Variants in NEDD4L observed in about 807,000 individuals in gnomAD.
The protein encoded by NEDD4L is E3 ubiquitin-protein ligase NEDD4-like.
Under a neutral mutation model 148.9 loss-of-function variants are expected in NEDD4L, and 54 were observed. That is an observed-to-expected ratio of 0.36 (90% CI 0.29 to 0.45). The LOEUF (loss-of-function observed/expected upper bound fraction) is 0.45, where lower values mean the gene tolerates loss of function less well. Ranked by LOEUF, NEDD4L falls within the 20% of genes least tolerant of loss-of-function variation. The pLI, the probability that NEDD4L is intolerant of heterozygous loss-of-function variation, is 1.00. For missense variants in NEDD4L, 856 were observed against 1,233.8 expected (o/e 0.69, Z 4.59); for synonymous variants, 433 against 440.7 (o/e 0.98, Z 0.22).
intron 21 of NEDD4L, chr18:58,367,358 G>GGAAGGAATTAAACTTCCTTCATCA (rs2046247986): frequency 5.8e-6 from 1 of 172,900 alleles, no homozygotes; most frequent in South Asian, 1.5e-4. Flanking sequence ...AAAAGCCTCT[G>GGAAGGAATTAAACTTCCTTCATCA]GAAGGAATTA....
intron 2 of NEDD4L, among the ~76,000 whole-genome samples, chr18:58,180,410 C>T (rs766217168): frequency 2.6e-5 from 4 of 152,032 alleles, no homozygotes; most frequent in Non-Finnish European, 4.4e-5. Context: ...AGGCCTTCAG[C>T]GCCGCAAGGG....
chr18:58,112,997 G>T (rs1335616355), intron 1 of NEDD4L, among the ~76,000 whole-genome samples: 1 of 152,160 alleles, frequency 6.6e-6, no homozygotes, highest in Non-Finnish European at 1.5e-5. Context: ...ACCATGTGAG[G>T]ATACAGCAAA....
At chr18:58,071,921 C>T (rs1351478894) in intron 1 of NEDD4L, among the ~76,000 whole-genome samples, 2 of 152,162 alleles carry the variant, frequency 1.3e-5, no homozygotes, top group South Asian at 4.1e-4. Context: ...CAGTTATCTC[C>T]ACCTTATCCT....
intron 2 of NEDD4L, among the ~76,000 whole-genome samples, chr18:58,206,024 C>A (rs2041948863): frequency 6.6e-6 from 1 of 152,162 alleles, no homozygotes; most frequent in Non-Finnish European, 1.5e-5. Context: ...CCTTTAATTT[C>A]TCTTAATTGC....
rs2050769174 is a variant in NEDD4L at position 58,400,282 on chromosome 18, TGTC to T, written c.*4014_*4016del. 1 of 152,248 alleles carries T rather than the reference TGTC, an allele frequency of 6.6e-6. No homozygotes were observed. The highest frequency in any genetic ancestry group is 1.5e-5 in the Non-Finnish European group (1 of 68,050). The allele number at this position is 152,248 out of a possible 1,614,324, so 9.4% of individuals were successfully genotyped here. A position where few individuals can be genotyped will look rare whatever the true frequency, so the allele number is the denominator to read the frequency against. ...CATTGGGGTACATCCTGATAAGTCG[TGTC>T]AGAACTGCCAATTTCAGGACTGAGA... On this transcript the variant is annotated 3_prime_UTR_variant, in exon 31 of 31. Transcript: ENST00000400345.
chr18:58,057,165 C>T (rs2082123779), intron 1 of NEDD4L, among the ~76,000 whole-genome samples: 1 of 152,050 alleles, frequency 6.6e-6, no homozygotes, highest in Non-Finnish European at 1.5e-5. Context: ...TCGTGAAATG[C>T]ACATGCTCCC....
intron 2 of NEDD4L, among the ~76,000 whole-genome samples, chr18:58,233,293 A>G (rs571044798): frequency 6.6e-6 from 1 of 152,310 alleles, no homozygotes; most frequent in South Asian, 2.1e-4. Flanking sequence ...GTAAAGACAT[A>G]CCCAAGACTG....
At chr18:58,246,551 GC>G (rs1259026117) in intron 3 of NEDD4L, among the ~76,000 whole-genome samples, 4 of 152,090 alleles carry the variant, frequency 2.6e-5, no homozygotes, top group African/African-American at 9.7e-5. Context: ...CGCAACCTTT[GC>G]CTCCTGGGTT....
At chr18:58,126,849 C>T (rs2031197137) in intron 1 of NEDD4L, among the ~76,000 whole-genome samples, 1 of 152,210 alleles carries the variant, frequency 6.6e-6, no homozygotes, top group African/African-American at 2.4e-5. Flanking sequence ...ATTGCACCCC[C>T]CAGGAATGTC....
chr18:58,087,164 G>A (rs1213152097), intron 1 of NEDD4L, among the ~76,000 whole-genome samples: 1 of 152,184 alleles, frequency 6.6e-6, no homozygotes, highest in Non-Finnish European at 1.5e-5. Flanking sequence ...GGATTTTATA[G>A]GTGGGACCTT....
intron 5 of NEDD4L, among the ~76,000 whole-genome samples, chr18:58,284,159 G>C (rs576879146): frequency 6.6e-6 from 1 of 152,156 alleles, no homozygotes; most frequent in Non-Finnish European, 1.5e-5. Context: ...TCAAGTTTGT[G>C]GTACTTTGTT....
At chr18:58,180,985 T>C (rs1430770258) in intron 2 of NEDD4L, among the ~76,000 whole-genome samples, 1 of 152,256 alleles carries the variant, frequency 6.6e-6, no homozygotes, top group Admixed American at 6.5e-5. Context: ...CCAAATAAAA[T>C]GATAACACAA....
intron 1 of NEDD4L, among the ~76,000 whole-genome samples, chr18:58,073,967 T>C (rs2083026856): frequency 6.6e-6 from 1 of 152,218 alleles, no homozygotes; most frequent in Non-Finnish European, 1.5e-5. Flanking sequence ...TTGTGCAAAC[T>C]TGGGGCATTT....
Position 58,165,728 on chromosome 18 carries a change from G to A in NEDD4L, c.49-60G>A, listed in dbSNP as rs2036768313. ...GAAATCAATTACTTTAATATTGGAT[G>A]AGAGAGTGATTGATTGAAGATCAGG... On this transcript the variant is annotated intron_variant, in intron 1 of 30. Coordinates refer to ENST00000400345, the MANE Select transcript of NEDD4L (RefSeq NM_001144967.3). The A allele has an allele frequency of 2.0e-6, 3 of 1,523,732 alleles. No individual in the cohort carries two copies. In the Admixed American group the frequency reaches 5.3e-5, roughly 27 times the overall value. The allele number at this position is 1,523,732 out of a possible 1,614,324, so 94.4% of individuals were successfully genotyped here. A position where few individuals can be genotyped will look rare whatever the true frequency, so the allele number is the denominator to read the frequency against.
chr18:58,195,735 T>G (rs1404985373), intron 2 of NEDD4L: 3 of 1,349,694 alleles, frequency 2.2e-6, no homozygotes, highest in Non-Finnish European at 2.9e-6. Context: ...TGGAATCTGG[T>G]AAGTGCCACC....
intron 1 of NEDD4L, among the ~76,000 whole-genome samples, chr18:58,064,140 A>G (rs1335203111): frequency 6.6e-6 from 1 of 151,262 alleles, no homozygotes; most frequent in Non-Finnish European, 1.5e-5. Context: ...AACTTTTTAT[A>G]TTTTTAGTAG....
Position 58,341,147 on chromosome 18 carries a change from C to T in NEDD4L, c.1235C>T (p.Thr412Ile), listed in dbSNP as rs778300242. The T allele has an allele frequency of 1.9e-6, 3 of 1,612,728 alleles. No individual in the cohort carries two copies. The highest frequency in any genetic ancestry group is 2.5e-6 in the Non-Finnish European group (3 of 1,179,550). The part of the protein sequence containing the change: ...YYVNHNNRTT[T>I]WTRPIMQLAE... ...GTCAATCATAACAATCGAACCACAA[C>T]TTGGACTCGACCTATCATGCAGGTA... The change falls in exon 14 of 31, where the codon ACT becomes ATT. Residue 412 changes from threonine to isoleucine, a missense_variant. Physicochemically the swap from Thr to Ile is moderately conservative, Grantham distance 89. Around this residue, in one of 4 missense-constraint regions of NEDD4L, gnomAD observed 367 missense variants for 422.7 expected, o/e 0.87. Coordinates refer to ENST00000400345, the MANE Select transcript of NEDD4L (RefSeq NM_001144967.3).
At chr18:58,333,401 A>G (rs1359464012) in intron 11 of NEDD4L, among the ~76,000 whole-genome samples, 1 of 152,216 alleles carries the variant, frequency 6.6e-6, no homozygotes, top group African/African-American at 2.4e-5. Context: ...GTAGTAATCA[A>G]TAAATGTTGG....
At chr18:58,128,439 T>C (rs1238994160) in intron 1 of NEDD4L, among the ~76,000 whole-genome samples, 1 of 152,232 alleles carries the variant, frequency 6.6e-6, no homozygotes, top group Non-Finnish European at 1.5e-5. Flanking sequence ...GGAATTGGTA[T>C]GTCCAGCTGC....
Sources: allele counts gnomAD v4.1 joint callset (sites outside exome capture counted in the v4.1 genomes callset), GRCh38; gene constraint gnomAD v4.1.1; regional missense constraint gnomAD v4.1.1; transcripts MANE v1.5; gene names NCBI Gene and HGNC (gene_info 2026-07-23, HGNC 2026-07-21).